BAG2: variants seen among roughly 807,000 people sequenced by gnomAD.
BAG2 encodes the protein BAG family molecular chaperone regulator 2.
In BAG2, 8 loss-of-function variants were observed where a neutral mutation model predicts 16.4. That is an observed-to-expected ratio of 0.49 (90% confidence interval 0.29 to 0.88). The LOEUF (loss-of-function observed/expected upper bound fraction) is 0.88, where lower values mean the gene tolerates loss of function less well. Among genes scored for constraint, BAG2 ranks in the 40% least tolerant of loss-of-function variants. The pLI, the probability that BAG2 is intolerant of heterozygous loss-of-function variation, is 0.09. For missense variants in BAG2, 218 were observed against 248.9 expected, an observed-to-expected ratio of 0.88 and a Z score of 0.84; for synonymous variants, 82 against 89.2, an observed-to-expected ratio of 0.92 and a Z score of 0.46.
chr6:57,173,347 A>C, intron 1 of BAG2: 2 of 985,444 alleles, frequency 2.0e-6, no homozygotes, highest in Non-Finnish European at 2.4e-6. Flanking sequence ...CAAAGATTAG[A>C]CAGGAGTGAG....
chr6:57,183,727 T>C (rs748453862), intron 2 of BAG2, 51 bp from the exon 3 acceptor site: 12 of 1,423,836 alleles, frequency 8.4e-6, no homozygotes, highest in Non-Finnish European at 1.0e-5. Flanking sequence ...CACAAACAAA[T>C]GCCTTAATGT....
rs375726843 is a variant in BAG2, at chr6:57,177,863, G to A, written c.114-4169G>A. Among the ~76,000 whole-genome samples the A allele has an allele frequency of 2.0e-4, 31 of 152,158 alleles. 1 individual carries two copies. Among genetic ancestry groups the A allele is most frequent in the East Asian group, 1.5e-3 (8 of 5,198 alleles). On this transcript the variant is annotated intron_variant, in intron 1 of 2. Coordinates refer to ENST00000370693, the MANE Select transcript of BAG2 (RefSeq NM_004282.4). ...CTCCTAAGTCTCCCAGCAGTTTGCC[G>A]TTTCGATACTGAGACTGCAGAGGTT...
Position 57,189,089 on chromosome 6 carries a change from T to C in BAG2, c.*4899T>C, listed in dbSNP as rs1425792447. The C allele has an allele frequency of 4.6e-5, 7 of 152,176 alleles. No individual in the cohort carries two copies. The highest frequency in any genetic ancestry group is 1.4e-4 in the African/African-American group (6 of 41,460). 9.4% of individuals were successfully genotyped at this position (152,176 alleles called of 1,614,324 possible). On this transcript the variant is annotated 3_prime_UTR_variant, in exon 3 of 3. Coordinates refer to ENST00000370693, the MANE Select transcript of BAG2 (RefSeq NM_004282.4). ...GGTTAAAAATAAAGCCATTGATGAG[T>C]GATAATCAGTTTTAACAGAGTTCAC...
chr6:57,177,710 CCT>C (rs1307213595), intron 1 of BAG2, among the ~76,000 whole-genome samples: 22 of 152,136 alleles, frequency 1.4e-4, no homozygotes, highest in African/African-American at 5.3e-4. Context: ...CCTTATCATC[CCT>C]GTTTCATAGG....
Position 57,172,601 on chromosome 6 carries a change from C to T in BAG2, c.-97C>T, listed in dbSNP as rs1562637614. 2.1e-5 allele frequency: 22 copies of T among 1,068,582 alleles called. No individual in the cohort carries two copies. Among genetic ancestry groups the T allele is most frequent in the Non-Finnish European group, 2.5e-5 (20 of 796,464 alleles). 66.2% of individuals were successfully genotyped at this position (1,068,582 alleles called of 1,614,324 possible). ...GGGCGTCAGAGGGAGGGCGGGCGCC[C>T]GCGTGGTGACGGCGACGCCTGCAGC... is the stretch of plus-strand genomic sequence containing the variant. On this transcript the variant is annotated 5_prime_UTR_variant, in exon 1 of 3. Coordinates refer to ENST00000370693, the MANE Select transcript of BAG2 (RefSeq NM_004282.4).
intron 1 of BAG2, chr6:57,173,254 A>G (rs964243477): frequency 8.1e-6 from 8 of 986,058 alleles, no homozygotes; most frequent in Non-Finnish European, 9.6e-6. Context: ...AGCAGTTTAC[A>G]GTGGCCCTCC....
rs1383982977 is a variant in BAG2, at chr6:57,182,019, C to T, written c.114-13C>T. On this transcript the variant is annotated splice_polypyrimidine_tract_variant and intron_variant, in intron 1 of 2. Coordinates refer to ENST00000370693, the MANE Select transcript of BAG2 (RefSeq NM_004282.4). ...TGCATACAATAACCGTTTTGTTTTC[C>T]CAATTTCTATAGGGTTGAAGCTTTG... The T allele has an allele frequency of 2.0e-5, 32 of 1,609,994 alleles. No individual in the cohort carries two copies. The highest frequency in any genetic ancestry group is 2.5e-5 in the Non-Finnish European group (29 of 1,177,798).
rs1281180075 is a variant in BAG2, at chr6:57,172,688, G to C, written c.-10G>C. 6.5e-7 allele frequency: 1 copy of C among 1,528,302 alleles called. No homozygotes were observed. The highest frequency in any genetic ancestry group is 2.0e-5 in the Admixed American group (1 of 50,052). The allele number at this position is 1,528,302 out of a possible 1,614,324, so 94.7% of individuals were successfully genotyped here. On this transcript the variant is annotated 5_prime_UTR_variant, in exon 1 of 3. Transcript: ENST00000370693. ...GGTGACCTCTTGGCTACCCCGCGTCGGAGGCTTAGATGGCTCAGGCGAAGA... is the reference window on the plus strand; with the variant it reads ...GGTGACCTCTTGGCTACCCCGCGTCCGAGGCTTAGATGGCTCAGGCGAAGA...
At position 57,172,755 on chromosome 6, in the gene BAG2, T is replaced by G. The variant is rs1224409147; in HGVS notation, c.58T>G (p.Ser20Ala). ...CGAGGGGCGCTTCTGCCGCTCCTCC[T>G]CCATGGCTGACCGCTCCAGCCGCCT... Reference protein sequence around the residue: ...ANEGRFCRSSSMADRSSRLLE... With the variant: ...ANEGRFCRSSAMADRSSRLLE... Residue 20 changes from serine to alanine, a missense_variant, in exon 1 of 3, where the codon TCC becomes GCC. By Grantham distance (99) the Ser-to-Ala change is moderately conservative. Coordinates refer to ENST00000370693, the MANE Select transcript of BAG2 (RefSeq NM_004282.4). 2 of 1,582,586 alleles carry G rather than the reference T, an allele frequency of 1.3e-6. No homozygotes were observed. Among genetic ancestry groups the G allele is most frequent in the South Asian group, 2.3e-5 (2 of 86,260 alleles).
Position 57,184,701 on chromosome 6 carries a change from A to G in BAG2, c.*511A>G, listed in dbSNP as rs1764572295. On this transcript the variant is annotated 3_prime_UTR_variant, in exon 3 of 3. Coordinates refer to ENST00000370693, the MANE Select transcript of BAG2 (RefSeq NM_004282.4). ...TCAGCAATGTTAAGGCATCTGTATC[A>G]AATTATTTTGGATGTAAAGATTCCT... 1 of 152,648 alleles carries G rather than the reference A, an allele frequency of 6.6e-6. No individual in the cohort carries two copies. Among genetic ancestry groups the G allele is most frequent in the Non-Finnish European group, 1.5e-5 (1 of 68,040 alleles). 9.5% of individuals were successfully genotyped at this position (152,648 alleles called of 1,614,324 possible). A position where few individuals can be genotyped will look rare whatever the true frequency, so the allele number is the denominator to read the frequency against.
In BAG2 at chr6:57,178,875, A is replaced by G. The variant is rs904649496; in HGVS notation, c.114-3157A>G. On this transcript the variant is annotated intron_variant, in intron 1 of 2. Transcript: ENST00000370693. ...AATGATAAAATATTTTCGTCATATG[A>G]CAGGCTTATTATATTTTTTCTAGAA... 3.3e-5 allele frequency among the ~76,000 whole-genome samples: 5 copies of G among 152,190 alleles called. No individual in the cohort carries two copies. In the East Asian group the frequency reaches 9.6e-4, roughly 29 times the overall value.
intron 2 of BAG2, 149 bp downstream of exon 2, chr6:57,182,290 A>G (rs1764481016): frequency 1.8e-6 from 1 of 556,006 alleles, no homozygotes; most frequent in African/African-American, 1.9e-5. Context: ...TGCAGCTGTC[A>G]GTTCATTACA....
Position 57,183,908 on chromosome 6 carries a change from T to C in BAG2, c.354T>C (p.Asp118=), listed in dbSNP as rs1185531048. 1 of 1,612,206 alleles carries C rather than the reference T, an allele frequency of 6.2e-7. No individual in the cohort carries two copies. Among genetic ancestry groups the C allele is most frequent in the Non-Finnish European group, 8.5e-7 (1 of 1,178,234 alleles). ...TAAAGCATGCCACAAGGATTATTGA[T>C]GAGGTGGTCAATAAGTTTCTGGATG... ...ESLKHATRII[D]EVVNKFLDDL... The change falls in exon 3 of 3, where the codon GAT becomes GAC. Residue 118 remains aspartate, a synonymous_variant. Coordinates refer to ENST00000370693, the MANE Select transcript of BAG2 (RefSeq NM_004282.4).
In BAG2 at chr6:57,172,473, C is replaced by G. The variant is rs1200386803; in HGVS notation, c.-225C>G. 7.9e-6 allele frequency: 3 copies of G among 378,298 alleles called. No homozygotes were observed. Among genetic ancestry groups the G allele is most frequent in the Admixed American group, 4.9e-5 (1 of 20,536 alleles). The allele number at this position is 378,298 out of a possible 1,614,324, so 23.4% of individuals were successfully genotyped here. On this transcript the variant is annotated 5_prime_UTR_variant, in exon 1 of 3. Transcript: ENST00000370693. Reference sequence around the variant, plus strand: ...ACCTCTAACTCCAGCCGCTGCAGCCCCCTCCCAGGCCCGGCGTCCCCGAGC... The same window carrying G: ...ACCTCTAACTCCAGCCGCTGCAGCCGCCTCCCAGGCCCGGCGTCCCCGAGC...
intron 1 of BAG2, among the ~76,000 whole-genome samples, chr6:57,179,349 T>G (rs1562641038): frequency 1.3e-5 from 2 of 152,242 alleles, no homozygotes; most frequent in Non-Finnish European, 2.9e-5. Context: ...TTTTACTGGC[T>G]CTTATAAACA....
chr6:57,186,037 GGTT>G lies in BAG2; in HGVS notation c.*1848_*1850del, dbSNP rs1764604411. The G allele has an allele frequency of 6.6e-6, 1 of 152,066 alleles. No individual in the cohort carries two copies. Among genetic ancestry groups the G allele is most frequent in the African/African-American group, 2.4e-5 (1 of 41,396 alleles). The allele number at this position is 152,066 out of a possible 1,614,324, so 9.4% of individuals were successfully genotyped here. A position where few individuals can be genotyped will look rare whatever the true frequency, so the allele number is the denominator to read the frequency against. On this transcript the variant is annotated 3_prime_UTR_variant, in exon 3 of 3. Coordinates refer to ENST00000370693, the MANE Select transcript of BAG2 (RefSeq NM_004282.4). ...CATTTCCAAGCTGCTTGGGGTCCCT[GGTT>G]TACAGTGTCTCCAGCATTCTGTACC...
rs1281056559 is a variant in BAG2, at chr6:57,186,339, T to TG, written c.*2151dup. The stretch of plus-strand genomic sequence containing the variant: ...AGGTTTCATTTTTTCTTTTCTGAGA[T>TG]GGAGTCTTGCTCTGTTGCCCAGGCT... On this transcript the variant is annotated 3_prime_UTR_variant, in exon 3 of 3. Coordinates refer to ENST00000370693, the MANE Select transcript of BAG2 (RefSeq NM_004282.4). The TG allele has an allele frequency of 6.6e-6, 1 of 152,454 alleles. No homozygotes were observed. Among genetic ancestry groups the TG allele is most frequent in the Non-Finnish European group, 1.5e-5 (1 of 68,260 alleles). 9.4% of individuals were successfully genotyped at this position (152,454 alleles called of 1,614,324 possible).
chr6:57,182,731 A>G (rs1452492166), intron 2 of BAG2, among the ~76,000 whole-genome samples: 1 of 151,992 alleles, frequency 6.6e-6, no homozygotes, highest in Non-Finnish European at 1.5e-5. Context: ...GCTCACTGCA[A>G]CCTCTGCCTC....
chr6:57,183,703 A>T (rs1764539138), intron 2 of BAG2, 75 bp from the exon 3 acceptor site: 24 of 1,348,668 alleles, frequency 1.8e-5, no homozygotes, highest in Non-Finnish European at 2.2e-5. Context: ...GGTAAAGAAA[A>T]TAATAAATTT....
Sources: gnomAD v4.1 joint callset for allele counts (sites outside exome capture counted in the v4.1 genomes callset) on GRCh38, gnomAD v4.1.1 for gene constraint, MANE v1.5 for transcripts, NCBI Gene and HGNC (gene_info 2026-07-23, HGNC 2026-07-21) for gene names.